Variants in CSMD1 observed in about 807,000 individuals in gnomAD.
CSMD1 encodes CUB and sushi domain-containing protein 1.
A neutral mutation model predicts 417.5 loss-of-function variants in CSMD1; 213 were observed. That is an observed-to-expected ratio of 0.51 (90% CI 0.46 to 0.57). CSMD1 has a LOEUF of 0.57. CSMD1 is among the 20% of genes least tolerant of loss of function. The pLI, the probability that CSMD1 is intolerant of heterozygous loss-of-function variation, is 0.00. For synonymous variants in CSMD1, 2,862 were observed against 1,736.8 expected (o/e 1.65, Z -16.11); for missense variants, 6,923 against 4,529.7 (o/e 1.53, Z -15.17).
chr8:4,278,055 C>T (rs1262748022), intron 3 of CSMD1, among the ~76,000 whole-genome samples: 4 of 152,136 alleles, frequency 2.6e-5, no homozygotes, highest in African/African-American at 9.7e-5. Flanking sequence ...CCCCCTTTCC[C>T]TAACTTTAAA....
chr8:4,081,592 C>A (rs1275853073), intron 3 of CSMD1, among the ~76,000 whole-genome samples: 5 of 152,058 alleles, frequency 3.3e-5, no homozygotes, highest in African/African-American at 4.8e-5. Context: ...CTATACCCAA[C>A]CACTGCAGAA....
At chr8:3,965,719 G>C (rs1420286537) in intron 5 of CSMD1, among the ~76,000 whole-genome samples, 5 of 152,072 alleles carry the variant, frequency 3.3e-5, no homozygotes, top group Admixed American at 1.3e-4. Context: ...CCACTTTCCG[G>C]AGATTCTCCT....
At chr8:4,711,490 T>G (rs1238215451) in intron 1 of CSMD1, among the ~76,000 whole-genome samples, 2 of 152,292 alleles carry the variant, frequency 1.3e-5, no homozygotes, top group Middle Eastern at 3.4e-3. Context: ...CAAAATTTAT[T>G]TTCAGAGAAA....
At chr8:3,588,258 C>T (rs1244755522) in intron 8 of CSMD1, among the ~76,000 whole-genome samples, 1 of 151,846 alleles carries the variant, frequency 6.6e-6, no homozygotes, top group African/African-American at 2.4e-5. Context: ...TAGCACAAAG[C>T]CACAATCTCA....
intron 3 of CSMD1, among the ~76,000 whole-genome samples, chr8:4,039,782 G>GA (rs2130625780): frequency 1.3e-5 from 2 of 152,306 alleles, no homozygotes; most frequent in South Asian, 4.1e-4. Context: ...AGCATTTATA[G>GA]AAAAGTATAT....
chr8:3,415,088 A>G (rs1314901429), intron 12 of CSMD1, among the ~76,000 whole-genome samples: 4 of 152,234 alleles, frequency 2.6e-5, no homozygotes, highest in African/African-American at 9.6e-5. Context: ...TTGCAATTTA[A>G]TGATTTTTAT....
intron 6 of CSMD1, among the ~76,000 whole-genome samples, chr8:3,742,770 A>G (rs771835369): frequency 2.0e-5 from 3 of 152,220 alleles, no homozygotes; most frequent in Admixed American, 6.5e-5. Context: ...GAAACGAAAC[A>G]AAAACACCAA....
At chr8:4,234,834 G>C (rs562524687) in intron 3 of CSMD1, among the ~76,000 whole-genome samples, 2 of 152,216 alleles carry the variant, frequency 1.3e-5, no homozygotes, top group East Asian at 3.9e-4. Context: ...AACAGTCTCT[G>C]CACTGTGGGC....
chr8:3,255,866 C>G (rs1467050462), intron 26 of CSMD1, among the ~76,000 whole-genome samples: 3 of 152,100 alleles, frequency 2.0e-5, no homozygotes, highest in African/African-American at 4.8e-5. Flanking sequence ...TGTGCTGCAC[C>G]CACTGTCCTG....
At chr8:4,077,901 C>G (rs1202476648) in intron 3 of CSMD1, among the ~76,000 whole-genome samples, 2 of 152,100 alleles carry the variant, frequency 1.3e-5, no homozygotes, top group East Asian at 1.9e-4. Context: ...ATAGCAATGT[C>G]CTTCCCGAAG....
At chr8:4,748,889 G>C (rs953769354) in intron 1 of CSMD1, among the ~76,000 whole-genome samples, 2 of 152,178 alleles carry the variant, frequency 1.3e-5, no homozygotes, top group Non-Finnish European at 2.9e-5. Context: ...AGTTATTCCG[G>C]TCCTGTTACT....
At chr8:3,893,457 CT>C (rs1301421702) in intron 5 of CSMD1, among the ~76,000 whole-genome samples, 3 of 149,990 alleles carry the variant, frequency 2.0e-5, no homozygotes, top group Non-Finnish European at 3.0e-5. Flanking sequence ...AGTATGATAG[CT>C]TTTGCAAAGG....
intron 3 of CSMD1, among the ~76,000 whole-genome samples, chr8:4,128,547 C>T (rs1802901698): frequency 6.6e-6 from 1 of 152,174 alleles, no homozygotes; most frequent in Non-Finnish European, 1.5e-5. Flanking sequence ...TCTATTTTTA[C>T]AGATAACACA....
chr8:4,096,340 C>G (rs1248541986), intron 3 of CSMD1, among the ~76,000 whole-genome samples: 4 of 151,546 alleles, frequency 2.6e-5, no homozygotes, highest in African/African-American at 9.7e-5. Flanking sequence ...AGAAATAGGA[C>G]AGCTTGGATT....
intron 3 of CSMD1, among the ~76,000 whole-genome samples, chr8:4,341,005 A>AT (rs1800447365): frequency 6.6e-6 from 1 of 151,972 alleles, no homozygotes; most frequent in South Asian, 2.1e-4. Flanking sequence ...CAGTCATCCT[A>AT]TTTTTTCAGA....
intron 5 of CSMD1, among the ~76,000 whole-genome samples, chr8:3,880,330 G>A (rs1048700049): frequency 6.6e-5 from 10 of 152,106 alleles, no homozygotes; most frequent in South Asian, 2.1e-4. Flanking sequence ...CATTATTACT[G>A]CATCGTTGTT....
intron 3 of CSMD1, among the ~76,000 whole-genome samples, chr8:4,236,618 CT>C (rs1229645190): frequency 5.3e-4 from 80 of 152,252 alleles, no homozygotes; most frequent in Non-Finnish European, 2.9e-5. Flanking sequence ...CTAAACCTAC[CT>C]CTTAAAAGAA....
chr8:3,985,525 C>G (rs569432296), intron 5 of CSMD1, among the ~76,000 whole-genome samples: 3 of 152,034 alleles, frequency 2.0e-5, no homozygotes, highest in Non-Finnish European at 4.4e-5. Context: ...CCAGATACAA[C>G]GAACACATCA....
At chr8:3,476,259 C>T (rs75089956) in intron 11 of CSMD1, among the ~76,000 whole-genome samples, 5,273 of 152,276 alleles carry the variant, frequency 0.035, 234 homozygotes, top group South Asian at 0.13. Context: ...ACATAACCCA[C>T]TGAAATTCCC....
Sources: gnomAD v4.1 joint callset for allele counts (sites outside exome capture counted in the v4.1 genomes callset) on GRCh38, gnomAD v4.1.1 for gene constraint, MANE v1.5 for transcripts, NCBI Gene and HGNC (gene_info 2026-07-23, HGNC 2026-07-21) for gene names.